Variants in CIB4 observed in about 807,000 individuals in gnomAD.
The protein encoded by CIB4 is calcium and integrin-binding family member 4.
CIB4 carries 25 observed loss-of-function variants against 25.8 expected under a neutral mutation model. The ratio of observed to expected loss-of-function variants is 0.97; its 90% CI spans 0.71 to 1.35. The LOEUF is 1.35. Ranked by LOEUF, CIB4 falls within the 40% of genes most tolerant of loss-of-function variation. The pLI is 0.00. For missense variants in CIB4, 235 were observed against 228.2 expected (o/e 1.03, Z -0.19); for synonymous variants, 75 against 81.4 (o/e 0.92, Z 0.42).
chr2:26,608,374 G>T (rs967897974), intron 3 of CIB4, among the ~76,000 whole-genome samples: 1 of 152,174 alleles, frequency 6.6e-6, no homozygotes, highest in Non-Finnish European at 1.5e-5. Context: ...TAACACATTG[G>T]CTGTGTGTCT....
chr2:26,628,403 C>T (rs965939027), intron 3 of CIB4, among the ~76,000 whole-genome samples: 1 of 152,104 alleles, frequency 6.6e-6, no homozygotes, highest in African/African-American at 2.4e-5. Flanking sequence ...ACCCATTTTA[C>T]AGGTGAGGAA....
At chr2:26,616,989 T>G (rs1013191301) in intron 3 of CIB4, among the ~76,000 whole-genome samples, 2 of 152,094 alleles carry the variant, frequency 1.3e-5, no homozygotes, top group African/African-American at 4.8e-5. Flanking sequence ...GCACTGCCTG[T>G]GAGGGGTCAG....
intron 3 of CIB4, among the ~76,000 whole-genome samples, chr2:26,604,834 A>G (rs1668858006): frequency 6.6e-6 from 1 of 152,242 alleles, no homozygotes; most frequent in Admixed American, 6.5e-5. Context: ...TTATAGTTGG[A>G]GAGTTTAACA....
intron 3 of CIB4, among the ~76,000 whole-genome samples, chr2:26,601,231 AATATATATATATAT>A (rs1165155834): frequency 0.012 from 215 of 17,226 alleles, 6 homozygotes; most frequent in East Asian, 0.1. Context: ...AAAAAAAAAA[AATATATATATATAT>A]ATATATATAT....
At chr2:26,598,387 A>G in intron 3 of CIB4, among the ~76,000 whole-genome samples, 1 of 152,218 alleles carries the variant, frequency 6.6e-6, no homozygotes, top group Middle Eastern at 3.4e-3. Flanking sequence ...CCGGCTAAAA[A>G]TGACTCTGTG....
intron 2 of CIB4, among the ~76,000 whole-genome samples, chr2:26,637,174 G>A (rs939832413): frequency 3.9e-5 from 6 of 152,128 alleles, no homozygotes; most frequent in Admixed American, 3.9e-4. Context: ...ATTGCAGAGG[G>A]AGAGAGAAGG....
rs182655809 is a variant in CIB4, at chr2:26,594,942, C to T, written c.328+234G>A. On this transcript the variant is annotated intron_variant, in intron 4 of 6. Transcript: ENST00000288861. ...ACCACACACTACCAGCAAATATCAA[C>T]GCCAATGACCCCATTGCCCTCTGAT... 1.1e-4 allele frequency among the ~76,000 whole-genome samples: 17 copies of T among 152,256 alleles called. No homozygotes were observed. The East Asian group carries it at 1.4e-3, about 12-fold the overall frequency.
intron 2 of CIB4, among the ~76,000 whole-genome samples, chr2:26,633,522 G>A (rs550868168): frequency 2.6e-5 from 4 of 152,270 alleles, no homozygotes; most frequent in African/African-American, 7.2e-5. Flanking sequence ...AAGTCCTCTC[G>A]GGGAGGGTGC....
At chr2:26,611,251 C>T (rs149259948) in intron 3 of CIB4, among the ~76,000 whole-genome samples, 7 of 152,368 alleles carry the variant, frequency 4.6e-5, no homozygotes, top group African/African-American at 1.7e-4. Context: ...GCCAGCACTG[C>T]TGTGGCGCCT....
chr2:26,618,645 C>A (rs1669141650), intron 3 of CIB4, among the ~76,000 whole-genome samples: 2 of 152,298 alleles, frequency 1.3e-5, no homozygotes, highest in South Asian at 4.1e-4. Flanking sequence ...GCCAGAGAGC[C>A]AAGCCTGCCT....
At chr2:26,605,483 A>T in intron 3 of CIB4, 1 of 470,824 alleles carries the variant, frequency 2.1e-6, no homozygotes, top group Non-Finnish European at 4.4e-6. Context: ...CCACAGGTAG[A>T]TGAAGTTGCT....
chr2:26,631,782 G>A (rs1267108381), intron 2 of CIB4, among the ~76,000 whole-genome samples: 1 of 152,134 alleles, frequency 6.6e-6, no homozygotes, highest in Non-Finnish European at 1.5e-5. Flanking sequence ...GAAGCTCCAG[G>A]AGGACTGGAG....
chr2:26,594,218 G>T (rs956634510), intron 4 of CIB4, among the ~76,000 whole-genome samples: 5 of 152,178 alleles, frequency 3.3e-5, no homozygotes, highest in Non-Finnish European at 7.3e-5. Flanking sequence ...CTATCTGCAG[G>T]AGTGACCTAT....
rs531203992 is a variant in CIB4, at chr2:26,587,529, G to A, written c.329-3631C>T. The stretch of plus-strand genomic sequence containing the variant: ...CGGGAGTAATAGCAGTACCTCTGCA[G>A]AGTTGCTGTGGAGATTAAATAAGAA... On this transcript the variant is annotated intron_variant, in intron 4 of 6. Transcript: ENST00000288861. Among the ~76,000 whole-genome samples, 239 of 152,166 alleles carry A rather than the reference G, an allele frequency of 1.6e-3. 2 individuals carry two copies. Among genetic ancestry groups the A allele is most frequent in the African/African-American group, 5.5e-3 (227 of 41,498 alleles).
chr2:26,588,530 A>G (rs1446962626), intron 4 of CIB4, among the ~76,000 whole-genome samples: 2 of 152,128 alleles, frequency 1.3e-5, no homozygotes, highest in Admixed American at 6.5e-5. Flanking sequence ...AGTCCCCCCA[A>G]AGACTCTGAC....
chr2:26,621,301 A>G (rs886348287), intron 3 of CIB4, among the ~76,000 whole-genome samples: 27 of 152,054 alleles, frequency 1.8e-4, no homozygotes, highest in Admixed American at 6.6e-5. Context: ...AGGAAACAGA[A>G]AGGCTTTGGA....
At chr2:26,626,513 G>C (rs1392705680) in intron 3 of CIB4, among the ~76,000 whole-genome samples, 1 of 151,850 alleles carries the variant, frequency 6.6e-6, no homozygotes, top group Non-Finnish European at 1.5e-5. Context: ...CCTTGAGGTA[G>C]ACTAATATAT....
chr2:26,624,219 C>A (rs1669257353), intron 3 of CIB4, among the ~76,000 whole-genome samples: 1 of 152,184 alleles, frequency 6.6e-6, no homozygotes, highest in Non-Finnish European at 1.5e-5. Context: ...ATATCAGTAC[C>A]CAGAGCTCCC....
At chr2:26,596,505 T>G (rs1352348452) in intron 3 of CIB4, among the ~76,000 whole-genome samples, 2 of 151,952 alleles carry the variant, frequency 1.3e-5, no homozygotes, top group Non-Finnish European at 2.9e-5. Flanking sequence ...GCACTTTGGG[T>G]GGCCGAGGCA....
Sources: gnomAD v4.1 joint callset for allele counts (sites outside exome capture counted in the v4.1 genomes callset) on GRCh38, gnomAD v4.1.1 for gene constraint, MANE v1.5 for transcripts, NCBI Gene and HGNC (gene_info 2026-07-23, HGNC 2026-07-21) for gene names.